GEN1: variants seen among roughly 807,000 people sequenced by gnomAD.
GEN1 encodes the protein GEN1 structure-specific endonuclease, also known as flap endonuclease GEN homolog 1.
Under a neutral mutation model 67.6 loss-of-function variants are expected in GEN1, and 64 were observed. That is an observed-to-expected ratio of 0.95 (90% confidence interval 0.77 to 1.17). GEN1 has a LOEUF of 1.17. Ranked by LOEUF, GEN1 falls within the 50% of genes most tolerant of loss-of-function variation. The pLI is 0.00. For missense variants in GEN1, 1,058 were observed against 1,048.3 expected (o/e 1.01, Z -0.13); for synonymous variants, 371 against 359.4 (o/e 1.03, Z -0.37).
chr2:17,759,893 T>G (rs759263092), intron 1 of GEN1, 36 bp from the exon 2 acceptor site: 12 of 1,570,074 alleles, frequency 7.6e-6, no homozygotes, highest in Non-Finnish European at 1.0e-5. Context: ...TTCTGTTTCT[T>G]TAACAATATT....
At position 17,785,586 on chromosome 2, in the gene GEN1, A is replaced by AT. The variant is rs5829605; in HGVS notation, c.*3654dup. On this transcript the variant is annotated 3_prime_UTR_variant, in exon 14 of 14. Transcript: ENST00000381254. ...AAGTCCTTGGCGGTTTTTCTTTTAG[A>AT]TTTTTTTCCATATAAAATCTCTATC... is the stretch of plus-strand genomic sequence containing the variant. 0.65 allele frequency: 98,625 copies of AT among 151,962 alleles called. 32,690 individuals carry two copies. Among genetic ancestry groups the AT allele is most frequent in the East Asian group, 0.99 (5,095 of 5,172 alleles). The allele number at this position is 151,962 out of a possible 1,614,324, so 9.4% of individuals were successfully genotyped here. A position where few individuals can be genotyped will look rare whatever the true frequency, so the allele number is the denominator to read the frequency against.
chr2:17,766,877 G>T (rs1671960221), intron 5 of GEN1, among the ~76,000 whole-genome samples, 188 bp downstream of exon 5: 1 of 152,174 alleles, frequency 6.6e-6, no homozygotes, highest in Non-Finnish European at 1.5e-5. Flanking sequence ...GCTGACTTGT[G>T]ACACTTAATA....
At chr2:17,757,959 T>G (rs1671503432) in intron 1 of GEN1, among the ~76,000 whole-genome samples, 3 of 152,248 alleles carry the variant, frequency 2.0e-5, no homozygotes, top group Admixed American at 2.0e-4. Flanking sequence ...TTGCCATCCC[T>G]GAACTGTAAT....
At chr2:17,758,085 AT>A (rs996447477) in intron 1 of GEN1, among the ~76,000 whole-genome samples, 9 of 152,222 alleles carry the variant, frequency 5.9e-5, no homozygotes, top group African/African-American at 2.2e-4. Context: ...TAGTTTGAAT[AT>A]TCCATAATTT....
chr2:17,762,408 T>G (rs56961860), intron 3 of GEN1, among the ~76,000 whole-genome samples: 3 of 151,706 alleles, frequency 2.0e-5, no homozygotes, highest in Non-Finnish European at 4.4e-5. Flanking sequence ...AGGGTTTCAC[T>G]GTGTTAGCCA....
intron 1 of GEN1, among the ~76,000 whole-genome samples, chr2:17,759,456 G>A (rs148130667): frequency 1.8e-3 from 267 of 152,100 alleles, no homozygotes; most frequent in African/African-American, 6.0e-3. Context: ...AAAAGCCAAC[G>A]CCCTTTTAAG....
At chr2:17,764,078 A>C (rs114457347) in intron 3 of GEN1, among the ~76,000 whole-genome samples, 1 of 152,210 alleles carries the variant, frequency 6.6e-6, no homozygotes, top group African/African-American at 2.4e-5. Context: ...ACTACAAGCT[A>C]CCCAGCGGGG....
Position 17,788,342 on chromosome 2 carries a change from A to C in GEN1, c.*6403A>C, listed in dbSNP as rs1284198583. ...ACATGCTGCAGAGTCAGCCCCAGCAATAGTCCAAAACAGTGGGACTCTTTT... is the reference window on the plus strand; with the variant it reads ...ACATGCTGCAGAGTCAGCCCCAGCACTAGTCCAAAACAGTGGGACTCTTTT... On this transcript the variant is annotated 3_prime_UTR_variant, in exon 14 of 14. Transcript: ENST00000381254. The C allele has an allele frequency of 1.3e-5, 2 of 152,216 alleles. No individual in the cohort carries two copies. Among genetic ancestry groups the C allele is most frequent in the Admixed American group, 1.3e-4 (2 of 15,288 alleles). The allele number at this position is 152,216 out of a possible 1,614,324, so 9.4% of individuals were successfully genotyped here. A position where few individuals can be genotyped will look rare whatever the true frequency, so the allele number is the denominator to read the frequency against.
At position 17,758,818 on chromosome 2, in the gene GEN1, C is replaced by T. The variant is rs566501056; in HGVS notation, c.-15-1111C>T. On this transcript the variant is annotated intron_variant, in intron 1 of 13. Transcript: ENST00000381254. ...GCACTGAGCTGAGATCTCGCCACTG[C>T]GCTCCAGCCAGCGTGACAGAGCGAG... Among the ~76,000 whole-genome samples the T allele has an allele frequency of 5.3e-5, 8 of 150,800 alleles. No homozygotes were observed. In the South Asian group the frequency reaches 1.3e-3, roughly 24 times the overall value.
intron 1 of GEN1, among the ~76,000 whole-genome samples, chr2:17,756,395 TGAA>T (rs1026106804): frequency 3.4e-4 from 52 of 152,344 alleles, no homozygotes; most frequent in African/African-American, 1.3e-3. Context: ...TAAAAAATTA[TGAA>T]GATGTTAGAC....
chr2:17,776,535 T>C (rs1455968775), intron 11 of GEN1, among the ~76,000 whole-genome samples: 1 of 152,198 alleles, frequency 6.6e-6, no homozygotes, highest in Non-Finnish European at 1.5e-5. Flanking sequence ...ATGTTAACAA[T>C]TGATGAATCT....
At chr2:17,760,921 C>CA (rs763646870) in intron 2 of GEN1, among the ~76,000 whole-genome samples, 2,775 of 89,522 alleles carry the variant, frequency 0.031, 19 homozygotes, top group Middle Eastern at 0.056. Context: ...GACTCCACCT[C>CA]AAAAAAAAAA....
chr2:17,777,623 A>G (rs1262012005), intron 11 of GEN1, among the ~76,000 whole-genome samples: 2 of 152,186 alleles, frequency 1.3e-5, no homozygotes. Flanking sequence ...AATAAAATTC[A>G]GCAATATTCA....
At position 17,778,323 on chromosome 2, in the gene GEN1, C is replaced by CATATATGTATATACACACACATGT. The variant is rs1553331284; in HGVS notation, c.1264+260_1264+261insATATATGTATATACACACACATGT. On this transcript the variant is annotated intron_variant, in intron 12 of 13. Transcript: ENST00000381254. ...GTACATATATGTATATACACACACA[C>CATATATGTATATACACACACATGT]GTGTACATATATGTATACACACACA... Among the ~76,000 whole-genome samples, 9 of 30,870 alleles carry CATATATGTATATACACACACATGT rather than the reference C, an allele frequency of 2.9e-4. 2 individuals carry two copies. The highest frequency in any genetic ancestry group is 9.6e-4 in the African/African-American group (9 of 9,348). The allele number at this position is 30,870 out of a possible 152,430, so 20.3% of individuals were successfully genotyped here.
chr2:17,767,756 T>A (rs1380422899), intron 5 of GEN1, among the ~76,000 whole-genome samples: 1 of 152,246 alleles, frequency 6.6e-6, no homozygotes, highest in Non-Finnish European at 1.5e-5. Context: ...TATATTGACC[T>A]TTTGTGTTTT....
At chr2:17,759,612 A>G (rs992157218) in intron 1 of GEN1, among the ~76,000 whole-genome samples, 5 of 148,998 alleles carry the variant, frequency 3.4e-5, no homozygotes, top group African/African-American at 1.2e-4. Flanking sequence ...CCTGGGTATG[A>G]TAGAGAATTA....
chr2:17,761,834 A>G (rs1162689317), intron 3 of GEN1, among the ~76,000 whole-genome samples: 2 of 152,206 alleles, frequency 1.3e-5, no homozygotes, highest in East Asian at 1.9e-4. Context: ...AAATGACAAC[A>G]GTAATACTCA....
At position 17,773,246 on chromosome 2, in the gene GEN1, G is replaced by A. The variant is rs779317754; in HGVS notation, c.1018G>A (p.Asp340Asn). 1.2e-6 allele frequency: 2 copies of A among 1,602,272 alleles called. No individual in the cohort carries two copies. Among genetic ancestry groups the A allele is most frequent in the Non-Finnish European group, 1.7e-6 (2 of 1,172,728 alleles). ...EVIQEFLLNK[D>N]KLVKVIRYQR... is the part of the protein sequence containing the mutation. ...TATTCAAGAATTCCTTTTAAACAAG[G>A]ATAAATTGGTGAAGGTTATCAGGTA... Residue 340 changes from aspartate to asparagine, a missense_variant, in exon 10 of 14, where the codon GAT (aspartate) becomes AAT (asparagine). Transcript: ENST00000381254.
intron 1 of GEN1, among the ~76,000 whole-genome samples, chr2:17,756,613 A>G (rs1671446027): frequency 6.6e-6 from 1 of 152,178 alleles, no homozygotes; most frequent in South Asian, 2.1e-4. Flanking sequence ...TTTTTATAGA[A>G]ATGGGGTCTC....
Sources: allele counts gnomAD v4.1 joint callset (sites outside exome capture counted in the v4.1 genomes callset), GRCh38; gene constraint gnomAD v4.1.1; transcripts MANE v1.5; gene names NCBI Gene and HGNC (gene_info 2026-07-23, HGNC 2026-07-21).